CRYBG3: variants seen among roughly 807,000 people sequenced by gnomAD.
CRYBG3 encodes crystallin beta-gamma domain containing 3.
Under a neutral mutation model 244.2 loss-of-function variants are expected in CRYBG3, and 127 were observed. The ratio of observed to expected loss-of-function variants is 0.52; its 90% CI spans 0.45 to 0.60. The LOEUF (loss-of-function observed/expected upper bound fraction) is 0.60. Ranked by LOEUF, CRYBG3 falls within the 20% of genes least tolerant of loss-of-function variation. The probability of loss-of-function intolerance (pLI) is 0.00; values close to 1 mark genes in which losing one functional copy is unlikely to be tolerated. For missense variants in CRYBG3, 3,325 were observed against 3,442.5 expected, an observed-to-expected ratio of 0.97 and a Z score of 0.85; for synonymous variants, 1,132 against 1,195.8, an observed-to-expected ratio of 0.95 and a Z score of 1.10.
intron 2 of CRYBG3, among the ~76,000 whole-genome samples, chr3:97,857,903 A>T (rs769398704): frequency 5.9e-5 from 9 of 151,798 alleles, no homozygotes; most frequent in Non-Finnish European, 1.3e-4. Context: ...TTCCTTTCTT[A>T]TGGTTTATCT....
chr3:97,915,574 G>A, intron 16 of CRYBG3, 36 bp from the exon 17 acceptor site: 3 of 1,583,132 alleles, frequency 1.9e-6, no homozygotes, highest in Non-Finnish European at 2.6e-6. Context: ...CCAAGTGAAT[G>A]CAATTTGATT....
intron 19 of CRYBG3, among the ~76,000 whole-genome samples, chr3:97,937,950 A>G (rs1233457249): frequency 3.9e-5 from 6 of 152,136 alleles, no homozygotes; most frequent in Non-Finnish European, 7.4e-5. Flanking sequence ...AAAACAATGC[A>G]TAATTATCCA....
At chr3:97,882,549 A>T (rs2039461950) in intron 7 of CRYBG3, among the ~76,000 whole-genome samples, 1 of 152,204 alleles carries the variant, frequency 6.6e-6, no homozygotes, top group Non-Finnish European at 1.5e-5. Flanking sequence ...TTAATTAGTG[A>T]TAAGGACATC....
intron 1 of CRYBG3, among the ~76,000 whole-genome samples, chr3:97,829,309 TTTCTA>T (rs2038622442): frequency 6.6e-6 from 1 of 152,158 alleles, no homozygotes; most frequent in African/African-American, 2.4e-5. Context: ...GAGTGAGACT[TTTCTA>T]TATTATTAAT....
At chr3:97,883,402 T>G (rs1007002653) in intron 7 of CRYBG3, among the ~76,000 whole-genome samples, 4 of 152,204 alleles carry the variant, frequency 2.6e-5, no homozygotes, top group African/African-American at 9.7e-5. Flanking sequence ...GGTTTTGTGC[T>G]TTCTTTGTGA....
chr3:97,936,718 G>T, intron 18 of CRYBG3, 67 bp from the exon 19 acceptor site: 1 of 1,542,402 alleles, frequency 6.5e-7, no homozygotes, highest in Non-Finnish European at 8.9e-7. Context: ...GCAAAGTGCA[G>T]ATACTTTTGA....
intron 21 of CRYBG3, 50 bp from the exon 22 acceptor site, chr3:97,943,176 T>G: frequency 9.6e-7 from 1 of 1,038,584 alleles, no homozygotes; most frequent in Non-Finnish European, 1.5e-6. Context: ...GTGAAATTGC[T>G]AAGCACCTGC....
chr3:97,834,891 G>A (rs1049149142), intron 1 of CRYBG3, among the ~76,000 whole-genome samples: 9 of 151,832 alleles, frequency 5.9e-5, no homozygotes, highest in Non-Finnish European at 5.9e-5. Context: ...AGTAATATTT[G>A]CTTTTACAAA....
At position 97,915,392 on chromosome 3, in the gene CRYBG3, AGTATAT is replaced by A. The variant is rs1329682455; in HGVS notation, c.8115-214_8115-209del. 7.9e-5 allele frequency among the ~76,000 whole-genome samples: 12 copies of A among 152,152 alleles called. 1 individual carries two copies. Among genetic ancestry groups the A allele is most frequent in the Non-Finnish European group, 1.3e-4 (9 of 68,014 alleles). On this transcript the variant is annotated intron_variant, in intron 16 of 21. Transcript: ENST00000389622. ...AGAATTATTAAGGACACCATGAAATAGTATATGTAAAGTGCCCAGCCTAATGCCTGG... is the reference window on the plus strand; with the variant it reads ...AGAATTATTAAGGACACCATGAAATAGTAAAGTGCCCAGCCTAATGCCTGG...
chr3:97,833,326 A>C (rs1421503563), intron 1 of CRYBG3, among the ~76,000 whole-genome samples: 1 of 152,226 alleles, frequency 6.6e-6, no homozygotes, highest in South Asian at 2.1e-4. Flanking sequence ...ATGCCCATCA[A>C]TGATAGACTG....
intron 17 of CRYBG3, among the ~76,000 whole-genome samples, chr3:97,929,273 TA>T (rs1427033114): frequency 1.3e-5 from 2 of 151,978 alleles, no homozygotes; most frequent in African/African-American, 4.8e-5. Context: ...TGTAATCAAA[TA>T]TTTTTTTTTT....
At chr3:97,833,281 C>T (rs893914477) in intron 1 of CRYBG3, among the ~76,000 whole-genome samples, 7 of 152,128 alleles carry the variant, frequency 4.6e-5, no homozygotes, top group Admixed American at 3.9e-4. Context: ...TATTGCAGCA[C>T]TGTACACAAT....
intron 1 of CRYBG3, among the ~76,000 whole-genome samples, chr3:97,831,163 G>C (rs1270285717): frequency 6.6e-6 from 1 of 152,158 alleles, no homozygotes; most frequent in Non-Finnish European, 1.5e-5. Flanking sequence ...GATGATTTTA[G>C]GGGAATAGTA....
chr3:97,898,278 A>C (rs768388023), intron 12 of CRYBG3, among the ~76,000 whole-genome samples: 1 of 151,018 alleles, frequency 6.6e-6, no homozygotes, highest in Non-Finnish European at 1.5e-5. Context: ...AATTTCTTTA[A>C]TTTACTAATG....
intron 2 of CRYBG3, among the ~76,000 whole-genome samples, chr3:97,862,133 T>C (rs1468636488): frequency 6.6e-6 from 1 of 152,052 alleles, no homozygotes; most frequent in East Asian, 1.9e-4. Context: ...AAAGGTTAAA[T>C]GTAAAGTCTT....
chr3:97,855,057 G>A (rs917921572), intron 2 of CRYBG3, among the ~76,000 whole-genome samples: 2 of 152,118 alleles, frequency 1.3e-5, no homozygotes, highest in Non-Finnish European at 2.9e-5. Context: ...TTTTTATCAA[G>A]AAGGGATATT....
At chr3:97,870,687 T>C (rs2039292264) in intron 3 of CRYBG3, among the ~76,000 whole-genome samples, 1 of 152,160 alleles carries the variant, frequency 6.6e-6, no homozygotes, top group Non-Finnish European at 1.5e-5. Context: ...ATATAAGAAT[T>C]AAGACATTCT....
At chr3:97,885,772 T>C (rs1461265867) in intron 7 of CRYBG3, among the ~76,000 whole-genome samples, 1 of 151,994 alleles carries the variant, frequency 6.6e-6, no homozygotes, top group Non-Finnish European at 1.5e-5. Context: ...TGGTGTCCTA[T>C]TATAGAAAGA....
intron 15 of CRYBG3, among the ~76,000 whole-genome samples, chr3:97,907,140 C>T (rs1428673345): frequency 1.4e-3 from 209 of 152,190 alleles, no homozygotes; most frequent in African/African-American, 4.6e-3. Context: ...CTGCTGGATT[C>T]GGTTTGCCAG....
Sources: allele counts gnomAD v4.1 joint callset (sites outside exome capture counted in the v4.1 genomes callset), GRCh38; gene constraint gnomAD v4.1.1; transcripts MANE v1.5; gene names NCBI Gene and HGNC (gene_info 2026-07-23, HGNC 2026-07-21).